The following POLA2 variants were observed in gnomAD, a reference collection of about 807,000 sequenced individuals.
The protein encoded by POLA2 is DNA polymerase alpha subunit B.
POLA2 carries 47 observed loss-of-function variants against 82.8 expected under a neutral mutation model. The ratio of observed to expected loss-of-function variants is 0.57; its 90% CI spans 0.45 to 0.72. The LOEUF is 0.72. Ranked by LOEUF, POLA2 falls within the 30% of genes least tolerant of loss-of-function variation. The probability of loss-of-function intolerance (pLI) is 0.00; values close to 1 mark genes in which losing one functional copy is unlikely to be tolerated. For missense variants in POLA2, 634 were observed against 728.1 expected, an observed-to-expected ratio of 0.87 and a Z score of 1.49; for synonymous variants, 287 against 286.8, an observed-to-expected ratio of 1.00 and a Z score of -0.01.
At chr11:65,270,237 C>T (rs1292607113) in intron 4 of POLA2, among the ~76,000 whole-genome samples, 12 of 149,868 alleles carry the variant, frequency 8.0e-5, no homozygotes, top group Admixed American at 8.0e-4. Flanking sequence ...AAGGTAAGGG[C>T]TGGGTGCAGT....
chr11:65,292,010 G>C (rs1052327209), intron 13 of POLA2, among the ~76,000 whole-genome samples: 7 of 152,210 alleles, frequency 4.6e-5, no homozygotes, highest in African/African-American at 1.4e-4. Context: ...AGACTGAGGC[G>C]GGCAGATCAC....
At chr11:65,281,228 C>T (rs1357922865) in intron 8 of POLA2, 81 bp downstream of exon 8, 2 of 1,420,824 alleles carry the variant, frequency 1.4e-6, no homozygotes, top group Non-Finnish European at 1.9e-6. Flanking sequence ...CGCAGCTGCT[C>T]CTCAGTTCCT....
Position 65,275,879 on chromosome 11 carries a change from T to C in POLA2, c.355-13T>C, listed in dbSNP as rs759412883. 2 of 1,549,176 alleles carry C rather than the reference T, an allele frequency of 1.3e-6. No individual in the cohort carries two copies. Among genetic ancestry groups the C allele is most frequent in the South Asian group, 2.3e-5 (2 of 87,812 alleles). The stretch of plus-strand genomic sequence containing the variant: ...AGTAGGACTGAGATTTTGTTTTCCT[T>C]TTTTTTCCCTAGGGTTCTCAGAAGC... On this transcript the variant is annotated splice_polypyrimidine_tract_variant and intron_variant, in intron 4 of 17. Transcript: ENST00000265465.
rs182308543 is a variant in POLA2, at chr11:65,263,931, G to T, written c.79+1560G>T. On this transcript the variant is annotated intron_variant, in intron 1 of 17. Transcript: ENST00000265465. ...GAAATTAGTTATGTGAACCAGATTT[G>T]TAAAGGCTTCAGGCCAAGATGCCAG... Among the ~76,000 whole-genome samples the T allele has an allele frequency of 2.0e-5, 3 of 152,292 alleles. No homozygotes were observed. The East Asian group carries it at 5.8e-4, about 29-fold the overall frequency.
chr11:65,293,321 G>C (rs1020649980), intron 13 of POLA2, among the ~76,000 whole-genome samples: 7 of 152,036 alleles, frequency 4.6e-5, no homozygotes, highest in African/African-American at 1.7e-4. Flanking sequence ...TTCTAAATAC[G>C]AAGCCAGGCC....
intron 5 of POLA2, among the ~76,000 whole-genome samples, chr11:65,277,311 G>C (rs1949592348): frequency 1.3e-5 from 2 of 151,998 alleles, no homozygotes; most frequent in Non-Finnish European, 2.9e-5. Flanking sequence ...CTGAGTAGCT[G>C]GGACTACAGG....
chr11:65,282,394 C>A, intron 9 of POLA2, 85 bp from the exon 10 acceptor site: 1 of 1,131,226 alleles, frequency 8.8e-7, no homozygotes, highest in Non-Finnish European at 1.3e-6. Flanking sequence ...CACACCTGCA[C>A]CACCCCCAAC....
chr11:65,282,838 A>G (rs533770376), intron 10 of POLA2, among the ~76,000 whole-genome samples: 7 of 152,220 alleles, frequency 4.6e-5, no homozygotes, highest in South Asian at 2.1e-4. Flanking sequence ...ATTTATTTAC[A>G]TGCAGCATGG....
intron 7 of POLA2, 100 bp downstream of exon 7, chr11:65,279,726 T>C (rs1949620756): frequency 2.3e-6 from 2 of 852,724 alleles, no homozygotes; most frequent in East Asian, 2.6e-5. Flanking sequence ...CTTGTCTGTG[T>C]TCTAGTTTGA....
chr11:65,282,830 T>G (rs1207727184), intron 10 of POLA2, among the ~76,000 whole-genome samples: 1 of 152,198 alleles, frequency 6.6e-6, no homozygotes, highest in Non-Finnish European at 1.5e-5. Context: ...CAAAAAGAAT[T>G]TATTTACATG....
At chr11:65,276,433 T>C (rs1949580461) in intron 5 of POLA2, among the ~76,000 whole-genome samples, 1 of 152,126 alleles carries the variant, frequency 6.6e-6, no homozygotes, top group African/African-American at 2.4e-5. Flanking sequence ...TTGTTCATAA[T>C]GTTTCATAAC....
At chr11:65,272,913 C>T (rs1307552750) in intron 4 of POLA2, among the ~76,000 whole-genome samples, 1 of 151,816 alleles carries the variant, frequency 6.6e-6, no homozygotes, top group African/African-American at 2.4e-5. Context: ...ACTCGGGAGG[C>T]TGAGGCAGGA....
intron 4 of POLA2, among the ~76,000 whole-genome samples, chr11:65,269,917 C>G (rs534476406): frequency 6.6e-6 from 1 of 152,188 alleles, no homozygotes; most frequent in African/African-American, 2.4e-5. Flanking sequence ...TCACTGCAAC[C>G]TCCGCCTCCC....
downstream of POLA2, among the ~76,000 whole-genome samples, chr11:65,298,854 G>A (rs560715196): frequency 7.9e-5 from 12 of 152,330 alleles, 1 homozygote; most frequent in East Asian, 1.7e-3. Flanking sequence ...GCCTCCGGAT[G>A]TGGAATTTTG....
chr11:65,305,157 G>A (rs1949880316), intron 8 of POLA2, among the ~76,000 whole-genome samples: 1 of 151,834 alleles, frequency 6.6e-6, no homozygotes, highest in Non-Finnish European at 1.5e-5. Flanking sequence ...TCCCTTCTAC[G>A]CTAACTGTCC....
In POLA2 at chr11:65,294,248, G is replaced by A. The variant is rs747221100; in HGVS notation, c.1340G>A (p.Arg447Gln). 35 of 1,613,606 alleles carry A rather than the reference G, an allele frequency of 2.2e-5. No homozygotes were observed. Among genetic ancestry groups the A allele is most frequent in the East Asian group, 1.6e-4 (7 of 44,892 alleles). The change falls in exon 14 of 18, where the codon CGA (arginine) becomes CAA (glutamine). Residue 447 changes from arginine to glutamine, a missense_variant. Transcript: ENST00000265465. ...CCTTTCAGCTACTCCGATCTGTCTC[G>A]AGAGGACAAAAAGGTAGCAGCACCC... ...QPPFSYSDLS[R>Q]EDKKQVQFVS... is the part of the protein sequence containing the mutation.
chr11:65,300,038 A>G (rs1215450018), downstream of POLA2, among the ~76,000 whole-genome samples: 1 of 152,140 alleles, frequency 6.6e-6, no homozygotes, highest in Non-Finnish European at 1.5e-5. Flanking sequence ...GGTGTTGTGC[A>G]GGCCTCGCCA....
intron 13 of POLA2, among the ~76,000 whole-genome samples, chr11:65,290,944 A>T (rs1949748945): frequency 6.6e-6 from 1 of 152,210 alleles, no homozygotes; most frequent in African/African-American, 2.4e-5. Flanking sequence ...ACTCTCAGTG[A>T]GGGTGGGGCC....
At position 65,297,255 on chromosome 11, in the gene POLA2, G is replaced by A; in HGVS notation, c.1783G>A (p.Val595Ile). ...ERQSPCIAVQ[V>I]VRI ...GCAGAGCCCATGCATTGCTGTGCAG[G>A]TCGTCAGGATCTGAGGCTTCTGTCC... is the stretch of plus-strand genomic sequence containing the variant. The change falls in exon 18 of 18, where the codon GTC (valine) becomes ATC (isoleucine). Residue 595 changes from valine to isoleucine, a missense_variant. By Grantham distance (29) the Val-to-Ile change is conservative (BLOSUM62 3). Coordinates refer to ENST00000265465, the MANE Select transcript of POLA2 (RefSeq NM_002689.4). The A allele has an allele frequency of 4.4e-6, 7 of 1,608,896 alleles. No homozygotes were observed. Among genetic ancestry groups the A allele is most frequent in the Non-Finnish European group, 5.9e-6 (7 of 1,177,430 alleles).
Sources: gnomAD v4.1 joint callset for allele counts (sites outside exome capture counted in the v4.1 genomes callset) on GRCh38, gnomAD v4.1.1 for gene constraint, MANE v1.5 for transcripts, NCBI Gene and HGNC (gene_info 2026-07-23, HGNC 2026-07-21) for gene names.